The following C2orf92 variants were observed in gnomAD, a reference collection of about 807,000 sequenced individuals.
C2orf92 encodes the protein uncharacterized protein C2orf92.
chr2:97,667,741 A>G (rs544783212), upstream of C2orf92, among the ~76,000 whole-genome samples: 2 of 152,072 alleles, frequency 1.3e-5, no homozygotes, highest in African/African-American at 4.8e-5. Flanking sequence ...CCCAAAGATG[A>G]TTGTCTTATA....
chr2:97,698,989 T>C (rs1315762675), intron 5 of C2orf92, 37 bp from the exon 6 acceptor site: 4 of 398,162 alleles, frequency 1.0e-5, no homozygotes, highest in African/African-American at 8.2e-5. Context: ...TCACATGCCA[T>C]GGTTGTTTGT....
At chr2:97,685,089 A>G (rs1204749474) in intron 3 of C2orf92, among the ~76,000 whole-genome samples, 1 of 138,188 alleles carries the variant, frequency 7.2e-6, no homozygotes, top group East Asian at 2.3e-4. Flanking sequence ...GCCACCACGC[A>G]TGGCTAAGTT....
At chr2:97,681,522 G>A (rs899991359) in intron 3 of C2orf92, among the ~76,000 whole-genome samples, 1 of 152,082 alleles carries the variant, frequency 6.6e-6, no homozygotes, top group Admixed American at 6.6e-5. Context: ...CCAAAACTTG[G>A]GATGCAGTGA....
upstream of C2orf92, chr2:97,665,735 CTCTATATATATATATATATA>C (rs1397024662): frequency 2.5e-3 from 43 of 17,292 alleles, no homozygotes; most frequent in African/African-American, 8.6e-3. Context: ...CTCTCTCTCT[CTCTATATATATATATATATA>C]TATATATATA....
chr2:97,686,161 G>A (rs1427525511), intron 3 of C2orf92, among the ~76,000 whole-genome samples: 1 of 152,190 alleles, frequency 6.6e-6, no homozygotes, highest in African/African-American at 2.4e-5. Flanking sequence ...AAGCGGAAAT[G>A]CCATAGAGGG....
intron 3 of C2orf92, among the ~76,000 whole-genome samples, chr2:97,686,507 C>T (rs1192702305): frequency 2.0e-5 from 3 of 152,100 alleles, no homozygotes; most frequent in Non-Finnish European, 4.4e-5. Flanking sequence ...GCAACCCCTG[C>T]CTCCCCGGTT....
rs1675557381 is a variant in C2orf92 at position 97,675,845 on chromosome 2, G to T, written c.149G>T (p.Ser50Ile). 5.0e-6 allele frequency: 2 copies of T among 398,966 alleles called. No homozygotes were observed. Among genetic ancestry groups the T allele is most frequent in the Admixed American group, 4.4e-5 (1 of 22,714 alleles). 24.7% of individuals were successfully genotyped at this position (398,966 alleles called of 1,614,324 possible). ...RSITKRDTQK[S>I]YSQQKSLNNA... Reference sequence around the variant, plus strand: ...ACAGCCATGGTTTATTTTCCCTTAGGCTATTCCCAACAGAAGAGCTTGAAC... The same window carrying T: ...ACAGCCATGGTTTATTTTCCCTTAGTCTATTCCCAACAGAAGAGCTTGAAC... Residue 50 changes from serine to isoleucine, a missense_variant and splice_region_variant, in exon 3 of 8, where the codon AGC (serine) becomes ATC (isoleucine). Transcript: ENST00000627399.
At chr2:97,696,095 A>G (rs1367255475) in intron 5 of C2orf92, among the ~76,000 whole-genome samples, 4 of 152,246 alleles carry the variant, frequency 2.6e-5, no homozygotes, top group Non-Finnish European at 5.9e-5. Context: ...CTTGTCCTCC[A>G]AGAGCTCACA....
At chr2:97,674,367 G>C in intron 1 of C2orf92, 89 bp from the exon 2 acceptor site, 1 of 397,336 alleles carries the variant, frequency 2.5e-6, no homozygotes, top group Non-Finnish European at 4.4e-6. Context: ...CATTGAGTTT[G>C]TGTCATGCAT....
chr2:97,680,071 G>A (rs760737382), intron 3 of C2orf92, among the ~76,000 whole-genome samples: 57 of 152,194 alleles, frequency 3.7e-4, no homozygotes, highest in Non-Finnish European at 5.9e-4. Context: ...AAGCCAAGGT[G>A]GGCAGATCAC....
At chr2:97,668,821 T>C (rs1377549512), upstream of C2orf92, 1 of 152,114 alleles carries the variant, frequency 6.6e-6, no homozygotes, top group Non-Finnish European at 1.5e-5. Context: ...ACCTGGCTAA[T>C]TTTTGTATTT....
intron 3 of C2orf92, among the ~76,000 whole-genome samples, chr2:97,678,935 C>T (rs1169715077): frequency 1.3e-5 from 2 of 151,398 alleles, no homozygotes; most frequent in Admixed American, 6.6e-5. Context: ...CTGAGATTGC[C>T]CCACTGCATT....
intron 5 of C2orf92, among the ~76,000 whole-genome samples, chr2:97,690,529 C>T (rs1341784967): frequency 1.3e-5 from 2 of 151,830 alleles, no homozygotes; most frequent in Non-Finnish European, 2.9e-5. Flanking sequence ...TATGGGGGCC[C>T]GCTACCACGC....
rs1298739371 is a variant in C2orf92, at chr2:97,700,828, C to T, written c.515-326C>T. Among the ~76,000 whole-genome samples the T allele has an allele frequency of 7.9e-5, 12 of 152,012 alleles. No homozygotes were observed. In the East Asian group the frequency reaches 9.7e-4, roughly 12 times the overall value. On this transcript the variant is annotated intron_variant, in intron 6 of 7. Coordinates refer to ENST00000627399, the MANE Select transcript of C2orf92 (RefSeq NM_001351368.2). ...CACGGCAACCTCCGCCTCCCGGGTTCACGCCATTCTCCTGCCTCAGCCTCC... is the reference window on the plus strand; with the variant it reads ...CACGGCAACCTCCGCCTCCCGGGTTTACGCCATTCTCCTGCCTCAGCCTCC...
At chr2:97,666,529 CAAAAAAAAA>C (rs34223345), upstream of C2orf92, among the ~76,000 whole-genome samples, 2 of 70,402 alleles carry the variant, frequency 2.8e-5, no homozygotes, top group African/African-American at 1.2e-4. Flanking sequence ...GACTCCGTCT[CAAAAAAAAA>C]AAAAAAAAAA....
At chr2:97,701,512 C>G (rs1427796021) in intron 7 of C2orf92, among the ~76,000 whole-genome samples, 1 of 152,208 alleles carries the variant, frequency 6.6e-6, no homozygotes, top group Non-Finnish European at 1.5e-5. Context: ...TGATGCACAG[C>G]CGGGTTTGGG....
intron 1 of C2orf92, chr2:97,672,255 G>A (rs1675440233): frequency 6.6e-6 from 1 of 151,328 alleles, no homozygotes; most frequent in Non-Finnish European, 1.5e-5. Flanking sequence ...GGATCACAGA[G>A]CGATGCCTGT....
At chr2:97,664,720 C>T (rs1171996441), upstream of C2orf92, 1 of 152,060 alleles carries the variant, frequency 6.6e-6, no homozygotes, top group East Asian at 1.9e-4. Flanking sequence ...CATACGGCCA[C>T]CGCGCAACGC....
At chr2:97,676,367 G>T (rs1244064748) in intron 3 of C2orf92, among the ~76,000 whole-genome samples, 2 of 148,350 alleles carry the variant, frequency 1.3e-5, no homozygotes, top group East Asian at 4.0e-4. Flanking sequence ...CCGGGAGGCG[G>T]AGCTTGCAGT....
Sources: gnomAD v4.1 joint callset for allele counts (sites outside exome capture counted in the v4.1 genomes callset) on GRCh38, gnomAD v4.1.1 for gene constraint, MANE v1.5 for transcripts, NCBI Gene and HGNC (gene_info 2026-07-23, HGNC 2026-07-21) for gene names.